CCPG1: variants seen among roughly 807,000 people sequenced by gnomAD.
CCPG1 encodes cell cycle progression protein 1.
Under a neutral mutation model 81.3 loss-of-function variants are expected in CCPG1, and 46 were observed. The observed-to-expected ratio is 0.57, with a 90% CI of 0.45 to 0.72. The LOEUF (loss-of-function observed/expected upper bound fraction) is 0.72. Among genes scored for constraint, CCPG1 ranks in the 30% least tolerant of loss-of-function variants. The pLI, the probability that CCPG1 is intolerant of heterozygous loss-of-function variation, is 0.00. For synonymous variants in CCPG1, 330 were observed against 305.2 expected, an observed-to-expected ratio of 1.08 and a Z score of -0.85; for missense variants, 902 against 937.6, an observed-to-expected ratio of 0.96 and a Z score of 0.50.
chr15:55,358,466 C>T, intron 8 of CCPG1: 1 of 985,354 alleles, frequency 1.0e-6, no homozygotes, highest in Non-Finnish European at 1.2e-6. Flanking sequence ...AAAATGGGGC[C>T]CTTCATGGTC....
At chr15:55,359,053 T>C in intron 8 of CCPG1, 1 of 984,658 alleles carries the variant, frequency 1.0e-6, no homozygotes, top group Middle Eastern at 5.2e-4. Context: ...TGTGACTAAG[T>C]ATCATAACTA....
intron 1 of CCPG1, among the ~76,000 whole-genome samples, chr15:55,393,451 T>C (rs1407909370): frequency 7.2e-5 from 11 of 152,112 alleles, no homozygotes; most frequent in Non-Finnish European, 1.3e-4. Flanking sequence ...AAAAAATGTT[T>C]TTTTTCAAGA....
intron 5 of CCPG1, among the ~76,000 whole-genome samples, chr15:55,375,899 A>G (rs1316837536): frequency 6.6e-6 from 1 of 152,108 alleles, no homozygotes; most frequent in Admixed American, 6.6e-5. Flanking sequence ...TATGTTGCCC[A>G]GGCTGGTCTC....
intron 1 of CCPG1, among the ~76,000 whole-genome samples, chr15:55,398,822 C>T (rs750114011): frequency 2.0e-5 from 3 of 152,092 alleles, no homozygotes; most frequent in South Asian, 2.1e-4. Flanking sequence ...CCTCATGATC[C>T]GCCTGCCTTG....
intron 8 of CCPG1, chr15:55,357,471 C>T (rs566252696): frequency 8.2e-6 from 8 of 979,930 alleles, no homozygotes; most frequent in Admixed American, 6.1e-5. Flanking sequence ...ACCGTATCCA[C>T]GGCTTTACTT....
In CCPG1 at chr15:55,356,149, G is replaced by T; in HGVS notation, c.*71C>A. 1 of 1,126,156 alleles carries T rather than the reference G, an allele frequency of 8.9e-7. No homozygotes were observed. Among genetic ancestry groups the T allele is most frequent in the Non-Finnish European group, 1.2e-6 (1 of 806,286 alleles). 69.8% of individuals were successfully genotyped at this position (1,126,156 alleles called of 1,614,324 possible). On this transcript the variant is annotated 3_prime_UTR_variant, in exon 9 of 9. Coordinates refer to ENST00000442196, the MANE Select transcript of CCPG1 (RefSeq NM_001204450.2). Reference sequence around the variant, plus strand: ...CATTGTCATCTTGGTAATTTCATTAGTTTCAATACCAAACATTATACAAAG... The same window carrying T: ...CATTGTCATCTTGGTAATTTCATTATTTTCAATACCAAACATTATACAAAG...
At chr15:55,396,407 G>C (rs540948275) in intron 1 of CCPG1, among the ~76,000 whole-genome samples, 8 of 152,276 alleles carry the variant, frequency 5.3e-5, no homozygotes, top group Non-Finnish European at 8.8e-5. Context: ...ATTCCTCAGA[G>C]TAGTTTCTTT....
At chr15:55,384,346 A>G (rs1595850278) in intron 3 of CCPG1, among the ~76,000 whole-genome samples, 1 of 152,330 alleles carries the variant, frequency 6.6e-6, no homozygotes, top group Middle Eastern at 3.4e-3. Context: ...TGATGTAATA[A>G]TAATGAAAAA....
chr15:55,389,527 C>T, intron 1 of CCPG1, 94 bp from the exon 2 acceptor site: 2 of 842,042 alleles, frequency 2.4e-6, no homozygotes, highest in Non-Finnish European at 4.0e-6. Flanking sequence ...AAGTGGTTTA[C>T]TGTCTTCCAG....
intron 5 of CCPG1, among the ~76,000 whole-genome samples, chr15:55,376,150 T>C (rs1188311294): frequency 6.6e-6 from 1 of 152,210 alleles, no homozygotes; most frequent in African/African-American, 2.4e-5. Context: ...AATTAGGAAA[T>C]TTTTAGAATC....
chr15:55,396,137 G>A (rs147809636), intron 1 of CCPG1, among the ~76,000 whole-genome samples: 1 of 132,908 alleles, frequency 7.5e-6, no homozygotes. Flanking sequence ...CTGGGCAACA[G>A]AGCAAGACTC....
At chr15:55,398,009 C>T (rs1341457747) in intron 1 of CCPG1, among the ~76,000 whole-genome samples, 1 of 151,962 alleles carries the variant, frequency 6.6e-6, no homozygotes, top group African/African-American at 2.4e-5. Flanking sequence ...AGGAAACCAG[C>T]AAATTGGTTT....
At chr15:55,400,625 G>C (rs193205691) in intron 1 of CCPG1, among the ~76,000 whole-genome samples, 6 of 152,268 alleles carry the variant, frequency 3.9e-5, no homozygotes, top group African/African-American at 7.2e-5. Flanking sequence ...CCCAAAGGTA[G>C]TACAAAGTTG....
rs1405827725 is a variant in CCPG1, at chr15:55,377,009, C to A, written c.394G>T (p.Glu132Ter). Residue 132 changes from glutamate to a stop codon, truncating the protein, a stop_gained, in exon 5 of 9, where the codon GAA becomes TAA. Coordinates refer to ENST00000442196, the MANE Select transcript of CCPG1 (RefSeq NM_001204450.2). LOFTEE classifies it high-confidence loss of function. ...GAGGAAGAGCCCATGTTAAAGTCTT[C>A]TGAACTCTGTGCTTCTTCAACAATG... ...VVIVEEAQSSEDFNMGSSSSS... is the reference protein window; with the variant it reads ...VVIVEEAQSS 3 of 1,613,754 alleles carry A rather than the reference C, an allele frequency of 1.9e-6. No homozygotes were observed.
At chr15:55,391,380 C>T (rs913391439) in intron 1 of CCPG1, among the ~76,000 whole-genome samples, 6 of 152,140 alleles carry the variant, frequency 3.9e-5, no homozygotes, top group African/African-American at 1.4e-4. Flanking sequence ...CTTCCCAAAG[C>T]GCTGGGATTA....
chr15:55,378,516 T>C, intron 3 of CCPG1, 140 bp from the exon 4 acceptor site: 1 of 521,086 alleles, frequency 1.9e-6, no homozygotes, highest in South Asian at 2.9e-5. Flanking sequence ...TCACATACAA[T>C]TATAGAAGTC....
chr15:55,406,508 G>A (rs2057227865), intron 1 of CCPG1, among the ~76,000 whole-genome samples: 1 of 146,970 alleles, frequency 6.8e-6, no homozygotes, highest in South Asian at 2.1e-4. Flanking sequence ...TTGGAGTGCG[G>A]TGGCCAGATC....
chr15:55,385,771 T>C (rs1595851953), intron 2 of CCPG1, 57 bp from the exon 3 acceptor site: 5 of 871,766 alleles, frequency 5.7e-6, no homozygotes, highest in African/African-American at 1.7e-5. Context: ...AAAGCTAGAT[T>C]TGACTACATG....
chr15:55,387,235 G>C (rs183138049), intron 2 of CCPG1, among the ~76,000 whole-genome samples: 109 of 152,310 alleles, frequency 7.2e-4, no homozygotes, highest in African/African-American at 2.3e-3. Flanking sequence ...GCCAGACAGA[G>C]GTCTGCTGTC....
Sources: allele counts gnomAD v4.1 joint callset (sites outside exome capture counted in the v4.1 genomes callset), GRCh38; gene constraint gnomAD v4.1.1; transcripts MANE v1.5; gene names NCBI Gene and HGNC (gene_info 2026-07-23, HGNC 2026-07-21).